The following SEMA3A variants were observed in gnomAD, a reference collection of about 807,000 sequenced individuals.
SEMA3A encodes the protein semaphorin-3A.
SEMA3A carries 29 observed loss-of-function variants against 97.9 expected under a neutral mutation model. The observed-to-expected ratio is 0.30, with a 90% CI of 0.22 to 0.40. The LOEUF (loss-of-function observed/expected upper bound fraction) is 0.40, where lower values mean the gene tolerates loss of function less well. SEMA3A is among the 10% of genes least tolerant of loss of function. The pLI is 1.00. For missense variants in SEMA3A, 763 were observed against 951.3 expected, an observed-to-expected ratio of 0.80 and a Z score of 2.60; for synonymous variants, 321 against 323.7, an observed-to-expected ratio of 0.99 and a Z score of 0.09.
At chr7:84,214,487 A>T (rs372974475) in intron 3 of SEMA3A, among the ~76,000 whole-genome samples, 1 of 152,196 alleles carries the variant, frequency 6.6e-6, no homozygotes, top group African/African-American at 2.4e-5. Context: ...CTCACAAAAC[A>T]TGATGAGGAA....
chr7:84,371,773 C>G (rs1162411138), intron 2 of SEMA3A: 1 of 151,772 alleles, frequency 6.6e-6, no homozygotes, highest in Non-Finnish European at 1.5e-5. Context: ...AGTCAAACAC[C>G]AAGCAAAGAG....
chr7:84,103,559 G>C lies in SEMA3A; in HGVS notation c.453+6911C>G, dbSNP rs145423366. On this transcript the variant is annotated intron_variant, in intron 4 of 16. Coordinates refer to ENST00000265362, the MANE Select transcript of SEMA3A (RefSeq NM_006080.3). Reference sequence around the variant, plus strand: ...CATTTATTAGAAACACATTGCAGGAGGAGATGAAGGTATTCTGATTTCAGG... The same window carrying C: ...CATTTATTAGAAACACATTGCAGGACGAGATGAAGGTATTCTGATTTCAGG... Among the ~76,000 whole-genome samples the C allele has an allele frequency of 2.8e-3, 419 of 152,146 alleles. 1 individual carries two copies. Among genetic ancestry groups the C allele is most frequent in the African/African-American group, 9.6e-3 (397 of 41,528 alleles).
chr7:84,064,503 G>C lies in SEMA3A; in HGVS notation c.454-3945C>G, dbSNP rs141538822. Among the ~76,000 whole-genome samples the C allele has an allele frequency of 6.9e-3, 1,045 of 152,244 alleles. 9 individuals carry two copies. Among genetic ancestry groups the C allele is most frequent in the African/African-American group, 0.024 (1,013 of 41,510 alleles). ...TTGGATAAAGAGTCAAGAGCCATCA[G>C]TGTGCTGTACTCAGGAAACCCATCT... On this transcript the variant is annotated intron_variant, in intron 4 of 16. Transcript: ENST00000265362.
chr7:84,219,551 T>C (rs1053177576), intron 3 of SEMA3A, among the ~76,000 whole-genome samples: 4 of 152,214 alleles, frequency 2.6e-5, no homozygotes, highest in Non-Finnish European at 4.4e-5. Context: ...ACAATTTTTG[T>C]TTGTTTCCCA....
chr7:84,041,501 T>C (rs1417736680), intron 6 of SEMA3A, among the ~76,000 whole-genome samples: 1 of 152,146 alleles, frequency 6.6e-6, no homozygotes, highest in African/African-American at 2.4e-5. Context: ...TAGACATAAC[T>C]ATTATTCTAA....
intron 4 of SEMA3A, 132 bp from the exon 5 acceptor site, chr7:84,060,690 T>A (rs907732453): frequency 9.0e-6 from 5 of 552,788 alleles, no homozygotes; most frequent in Non-Finnish European, 1.5e-5. Flanking sequence ...TTGTTCAAAT[T>A]TTTGAGATGG....
intron 1 of SEMA3A, among the ~76,000 whole-genome samples, chr7:84,464,603 A>T (rs537158864): frequency 1.3e-5 from 2 of 152,338 alleles, no homozygotes; most frequent in African/African-American, 4.8e-5. Context: ...TTCATGGTAC[A>T]AATTTACATT....
At chr7:84,404,509 G>C (rs1562934999) in intron 1 of SEMA3A, among the ~76,000 whole-genome samples, 1 of 152,110 alleles carries the variant, frequency 6.6e-6, no homozygotes, top group African/African-American at 2.4e-5. Flanking sequence ...ATCTAGCAAG[G>C]CAGGCCAAAA....
chr7:84,433,582 G>T (rs755604741), intron 1 of SEMA3A, among the ~76,000 whole-genome samples: 27 of 151,930 alleles, frequency 1.8e-4, no homozygotes, highest in Non-Finnish European at 3.2e-4. Context: ...AATGCTTTTG[G>T]GTATATACCC....
At chr7:84,114,292 G>C (rs923696324) in intron 3 of SEMA3A, among the ~76,000 whole-genome samples, 1 of 152,060 alleles carries the variant, frequency 6.6e-6, no homozygotes, top group Non-Finnish European at 1.5e-5. Flanking sequence ...CTAAGTAAGC[G>C]AAGAGAAAAG....
At chr7:84,355,184 G>T (rs1263977083) in intron 2 of SEMA3A, among the ~76,000 whole-genome samples, 1 of 151,930 alleles carries the variant, frequency 6.6e-6, no homozygotes, top group East Asian at 1.9e-4. Context: ...AAACAAAGCT[G>T]CTTTTGAAAT....
intron 2 of SEMA3A, among the ~76,000 whole-genome samples, chr7:84,367,683 A>G (rs1014754953): frequency 3.3e-5 from 5 of 151,164 alleles, no homozygotes; most frequent in African/African-American, 1.2e-4. Flanking sequence ...ATGGAATGAA[A>G]AAGGCAGATA....
chr7:84,126,976 C>T (rs374728809), intron 3 of SEMA3A, among the ~76,000 whole-genome samples: 1 of 151,938 alleles, frequency 6.6e-6, no homozygotes, highest in Admixed American at 6.6e-5. Context: ...TCAAATTATG[C>T]ATCATTTAGG....
chr7:84,387,266 T>C (rs1352086639), intron 1 of SEMA3A, among the ~76,000 whole-genome samples: 1 of 152,136 alleles, frequency 6.6e-6, no homozygotes, highest in East Asian at 1.9e-4. Flanking sequence ...CTACTTCTTT[T>C]ACCACTGCAA....
intron 1 of SEMA3A, among the ~76,000 whole-genome samples, chr7:84,453,327 CTG>C (rs1805608527): frequency 6.6e-6 from 1 of 151,588 alleles, no homozygotes; most frequent in African/African-American, 2.4e-5. Context: ...GCTCCGCCCC[CTG>C]GGGTTCACGC....
chr7:83,986,201 A>G (rs979102611), intron 12 of SEMA3A, among the ~76,000 whole-genome samples: 4 of 152,164 alleles, frequency 2.6e-5, no homozygotes, highest in Non-Finnish European at 4.4e-5. Flanking sequence ...GTGGCAGCTG[A>G]TGAGAGTAGG....
intron 3 of SEMA3A, among the ~76,000 whole-genome samples, chr7:84,276,374 T>C (rs968928946): frequency 1.3e-5 from 2 of 152,184 alleles, no homozygotes; most frequent in African/African-American, 4.8e-5. Flanking sequence ...TTCTATAGTG[T>C]TTTGTCTGTT....
intron 3 of SEMA3A, among the ~76,000 whole-genome samples, chr7:84,245,748 A>C (rs954163483): frequency 2.6e-5 from 4 of 151,924 alleles, no homozygotes; most frequent in African/African-American, 9.7e-5. Flanking sequence ...AGGGACACCC[A>C]CAAGATGCCA....
chr7:84,332,108 A>G (rs1319668559), intron 2 of SEMA3A, among the ~76,000 whole-genome samples: 1 of 152,100 alleles, frequency 6.6e-6, no homozygotes, highest in Non-Finnish European at 1.5e-5. Flanking sequence ...TTATTCAGCC[A>G]TATATACCCT....
Sources: allele counts gnomAD v4.1 joint callset (sites outside exome capture counted in the v4.1 genomes callset), GRCh38; gene constraint gnomAD v4.1.1; transcripts MANE v1.5; gene names NCBI Gene and HGNC (gene_info 2026-07-23, HGNC 2026-07-21).